The following IQGAP2 variants were observed in gnomAD, a reference collection of about 807,000 sequenced individuals.
IQGAP2 encodes ras GTPase-activating-like protein IQGAP2.
IQGAP2 carries 173 observed loss-of-function variants against 201.3 expected under a neutral mutation model. That is an observed-to-expected ratio of 0.86 (90% CI 0.76 to 0.98). The LOEUF (loss-of-function observed/expected upper bound fraction) is 0.98. Ranked by LOEUF, IQGAP2 falls within the 50% of genes least tolerant of loss-of-function variation. IQGAP2 has a pLI of 0.00. For synonymous variants in IQGAP2, 675 were observed against 673.9 expected, an observed-to-expected ratio of 1.00 and a Z score of -0.03; for missense variants, 1,687 against 1,864.8, an observed-to-expected ratio of 0.90 and a Z score of 1.76.
At chr5:76,595,768 A>AAGAGAGAGAGAGAGAGAGAG (rs142088212) in intron 9 of IQGAP2, among the ~76,000 whole-genome samples, 6 of 144,188 alleles carry the variant, frequency 4.2e-5, no homozygotes, top group African/African-American at 1.6e-4. Flanking sequence ...CAAAAAAAGA[A>AAGAGAGAGAGAGAGAGAGAG]AGAGAGAGAG....
At position 76,565,162 on chromosome 5, in the gene IQGAP2, T is replaced by C. The variant is rs189823502; in HGVS notation, c.303+2610T>C. On this transcript the variant is annotated intron_variant, in intron 3 of 35. Coordinates refer to ENST00000274364, the MANE Select transcript of IQGAP2 (RefSeq NM_006633.5). ...TCTTGTGTTCTTCAGGACTGAAGCA[T>C]GTCACATAGCCCTTTGCAAGGAGAG... 2.0e-3 allele frequency among the ~76,000 whole-genome samples: 304 copies of C among 152,290 alleles called. 1 individual carries two copies. The highest frequency in any genetic ancestry group is 7.1e-3 in the African/African-American group (294 of 41,566).
chr5:76,682,980 C>G (rs1745433910), intron 28 of IQGAP2, 135 bp from the exon 29 acceptor site: 1 of 511,060 alleles, frequency 2.0e-6, no homozygotes, highest in Non-Finnish European at 3.5e-6. Flanking sequence ...ATCTATGTCT[C>G]TAATTTTTAT....
intron 13 of IQGAP2, among the ~76,000 whole-genome samples, chr5:76,614,091 C>T (rs769265002): frequency 1.3e-5 from 2 of 152,192 alleles, no homozygotes; most frequent in Non-Finnish European, 2.9e-5. Context: ...TGTCTGCCCA[C>T]AGCCACATGG....
chr5:76,695,354 A>G, intron 31 of IQGAP2, 100 bp from the exon 32 acceptor site: 1 of 943,106 alleles, frequency 1.1e-6, no homozygotes, highest in Admixed American at 2.2e-5. Context: ...CTTTGGCTGG[A>G]GGACTACTTT....
At chr5:76,573,887 G>T (rs930468523) in intron 4 of IQGAP2, among the ~76,000 whole-genome samples, 1 of 151,428 alleles carries the variant, frequency 6.6e-6, no homozygotes, top group African/African-American at 2.4e-5. Context: ...GCCTTCCAAA[G>T]CACCACCATG....
chr5:76,513,328 CAGAGCAGGA>C (rs1339501209), intron 2 of IQGAP2, among the ~76,000 whole-genome samples: 2 of 152,120 alleles, frequency 1.3e-5, no homozygotes, highest in African/African-American at 2.4e-5. Context: ...AGATCAAGAC[CAGAGCAGGA>C]AGGGAAAGCT....
chr5:76,498,430 T>C (rs1757102875), intron 2 of IQGAP2, among the ~76,000 whole-genome samples: 1 of 152,196 alleles, frequency 6.6e-6, no homozygotes, highest in Non-Finnish European at 1.5e-5. Context: ...CATGTCACAC[T>C]TCTGTAGCAG....
At chr5:76,511,849 T>A (rs1260085775) in intron 2 of IQGAP2, among the ~76,000 whole-genome samples, 1 of 151,800 alleles carries the variant, frequency 6.6e-6, no homozygotes, top group Non-Finnish European at 1.5e-5. Flanking sequence ...CCCGGCTAAT[T>A]TTTTGTATTT....
chr5:76,686,768 C>T (rs1745803059), intron 30 of IQGAP2, among the ~76,000 whole-genome samples: 1 of 152,168 alleles, frequency 6.6e-6, no homozygotes, highest in South Asian at 2.1e-4. Flanking sequence ...CTCAGCCTCC[C>T]AAAGTGCTGG....
chr5:76,673,809 C>T (rs1744567680), intron 25 of IQGAP2, 143 bp from the exon 26 acceptor site: 16 of 679,002 alleles, frequency 2.4e-5, no homozygotes, highest in Non-Finnish European at 4.1e-5. Context: ...CAGTGGAAGT[C>T]CTGTGATTCC....
chr5:76,673,575 C>G lies in IQGAP2; in HGVS notation c.3195C>G (p.Ser1065=). The G allele has an allele frequency of 2.5e-6, 4 of 1,613,836 alleles. No individual in the cohort carries two copies. In the South Asian group the frequency reaches 4.4e-5, roughly 18 times the overall value. Residue 1065 remains serine, a synonymous_variant, in exon 25 of 36, where the codon TCC becomes TCG. Transcript: ENST00000274364. The part of the protein sequence containing the change: ...TDKVLNSIIS[S]LDLLPYGLRY... ...AAGTCCTGAATTCTATCATTTCTTCCCTTGATCTACTGCCGTAAGTTGTAC... is the reference window on the plus strand; with the variant it reads ...AAGTCCTGAATTCTATCATTTCTTCGCTTGATCTACTGCCGTAAGTTGTAC...
chr5:76,413,800 G>T (rs1267682804), intron 1 of IQGAP2, among the ~76,000 whole-genome samples: 2 of 152,162 alleles, frequency 1.3e-5, no homozygotes, highest in African/African-American at 4.8e-5. Context: ...ATCTAGATGG[G>T]AAGGAGCTAC....
Position 76,698,038 on chromosome 5 carries a change from A to G in IQGAP2, c.4258A>G (p.Lys1420Glu). 6.2e-7 allele frequency: 1 copy of G among 1,613,432 alleles called. No homozygotes were observed. The highest frequency in any genetic ancestry group is 8.5e-7 in the Non-Finnish European group (1 of 1,179,564). ...YRKLRKAELA[K>E]LQQTLNALNK... ...TAAGCTTCGAAAAGCTGAATTGGCA[A>G]AACTTCAGCAGACCCTGAATGCACT... Residue 1420 changes from lysine (K) to glutamate (E), a missense_variant, in exon 33 of 36, where the codon AAA becomes GAA. Physicochemically the swap from Lys to Glu is moderately conservative, Grantham distance 56. Coordinates refer to ENST00000274364, the MANE Select transcript of IQGAP2 (RefSeq NM_006633.5).
intron 2 of IQGAP2, among the ~76,000 whole-genome samples, chr5:76,486,255 T>C (rs1756129245): frequency 6.6e-6 from 1 of 152,230 alleles, no homozygotes; most frequent in Non-Finnish European, 1.5e-5. Context: ...CATGGGAATT[T>C]TTAGCCATCT....
chr5:76,431,668 T>C (rs7717110), intron 1 of IQGAP2, among the ~76,000 whole-genome samples: 112,759 of 151,918 alleles, frequency 0.74, 44,731 homozygotes, highest in Non-Finnish European at 0.89. Flanking sequence ...ACTAAAAATA[T>C]AAAAATTAGC....
At position 76,614,580 on chromosome 5, in the gene IQGAP2, T is replaced by C. The variant is rs190939397; in HGVS notation, c.1521+3397T>C. On this transcript the variant is annotated intron_variant, in intron 13 of 35. Coordinates refer to ENST00000274364, the MANE Select transcript of IQGAP2 (RefSeq NM_006633.5). ...CTAATTCTGTTGTTTGGCAATGTCT[T>C]TAATGTCTTTGTTTTTCCCCTCTGC... Among the ~76,000 whole-genome samples the C allele has an allele frequency of 2.5e-3, 377 of 151,550 alleles. 1 individual carries two copies. Among genetic ancestry groups the C allele is most frequent in the Non-Finnish European group, 4.6e-3 (314 of 67,878 alleles).
chr5:76,427,413 G>C (rs1377113353), intron 1 of IQGAP2, among the ~76,000 whole-genome samples: 1 of 152,074 alleles, frequency 6.6e-6, no homozygotes, highest in Admixed American at 6.6e-5. Flanking sequence ...TCTTGGATTT[G>C]GCTTTGAAAT....
At chr5:76,672,666 T>G (rs1744445412) in intron 24 of IQGAP2, among the ~76,000 whole-genome samples, 1 of 152,240 alleles carries the variant, frequency 6.6e-6, no homozygotes, top group African/African-American at 2.4e-5. Flanking sequence ...AACCCATTTT[T>G]CTGGGAAAAG....
chr5:76,591,039 G>T (rs71630926), intron 8 of IQGAP2, among the ~76,000 whole-genome samples: 1 of 152,236 alleles, frequency 6.6e-6, no homozygotes, highest in African/African-American at 2.4e-5. Context: ...TGAGGCTGCA[G>T]TGAGCTGTGA....
Sources: allele counts gnomAD v4.1 joint callset (sites outside exome capture counted in the v4.1 genomes callset), GRCh38; gene constraint gnomAD v4.1.1; transcripts MANE v1.5; gene names NCBI Gene and HGNC (gene_info 2026-07-23, HGNC 2026-07-21).